MYO3A: variants seen among roughly 807,000 people sequenced by gnomAD.
MYO3A encodes myosin-IIIa.
A neutral mutation model predicts 192.7 loss-of-function variants in MYO3A; 180 were observed. The observed-to-expected ratio is 0.93, with a 90% CI of 0.83 to 1.06. MYO3A has a LOEUF of 1.06. Ranked by LOEUF, MYO3A falls within the 50% of genes least tolerant of loss-of-function variation. MYO3A has a pLI of 0.00. For missense variants in MYO3A, 1,896 were observed against 1,905.0 expected (o/e 1.00, Z 0.09); for synonymous variants, 628 against 645.3 (o/e 0.97, Z 0.41).
At chr10:26,037,705 C>T (rs1843113204) in intron 10 of MYO3A, among the ~76,000 whole-genome samples, 3 of 152,180 alleles carry the variant, frequency 2.0e-5, no homozygotes, top group Admixed American at 2.0e-4. Flanking sequence ...AATTGACTCA[C>T]TGTTCCTCAG....
intron 6 of MYO3A, among the ~76,000 whole-genome samples, chr10:26,015,784 C>T (rs1841951811): frequency 6.6e-6 from 1 of 152,146 alleles, no homozygotes; most frequent in South Asian, 2.1e-4. Flanking sequence ...AAGTATATTT[C>T]CAATACTGAA....
intron 14 of MYO3A, among the ~76,000 whole-genome samples, chr10:26,071,051 T>A (rs72793210): frequency 0.097 from 14,783 of 151,622 alleles, 801 homozygotes; most frequent in Non-Finnish European, 0.12. Flanking sequence ...ATTGACAAGG[T>A]GACTCAAAAA....
In MYO3A at chr10:26,120,700, C is replaced by G; in HGVS notation, c.1801C>G (p.Leu601Val). ...MEQLGSIYSI[L>V]AAILNVGNIE... Reference sequence around the variant, plus strand: ...GCAACTTGGTAGTATATACAGCATACTCGCTGCAATCTTGAATGTTGGCAA... The same window carrying G: ...GCAACTTGGTAGTATATACAGCATAGTCGCTGCAATCTTGAATGTTGGCAA... Residue 601 changes from leucine (L) to valine (V), a missense_variant, in exon 18 of 35, where the codon CTC becomes GTC. Transcript: ENST00000642920. 6.2e-7 allele frequency: 1 copy of G among 1,614,080 alleles called. No homozygotes were observed. The highest frequency in any genetic ancestry group is 8.5e-7 in the Non-Finnish European group (1 of 1,179,994).
chr10:26,120,835 AT>A (rs1838819427), intron 18 of MYO3A, 33 bp downstream of exon 18: 1 of 1,611,050 alleles, frequency 6.2e-7, no homozygotes, highest in African/African-American at 1.3e-5. Context: ...CAAAACTGAA[AT>A]CTTTCAAATC....
intron 6 of MYO3A, among the ~76,000 whole-genome samples, chr10:26,015,818 C>T (rs753822186): frequency 6.6e-6 from 1 of 152,066 alleles, no homozygotes; most frequent in South Asian, 2.1e-4. Context: ...TGCATATGGC[C>T]GTTGAATTTC....
intron 34 of MYO3A, among the ~76,000 whole-genome samples, chr10:26,210,849 T>A (rs1844191094): frequency 6.6e-6 from 1 of 152,150 alleles, no homozygotes; most frequent in South Asian, 2.1e-4. Flanking sequence ...TTGCTTGATC[T>A]ATCATCCTGG....
intron 4 of MYO3A, among the ~76,000 whole-genome samples, chr10:25,979,696 C>T (rs1270991876): frequency 2.6e-5 from 4 of 152,080 alleles, no homozygotes; most frequent in African/African-American, 4.8e-5. Context: ...AATTCAAGAC[C>T]TACATACAGT....
intron 17 of MYO3A, 121 bp downstream of exon 17, chr10:26,096,803 CA>C (rs1837070324): frequency 2.9e-6 from 2 of 696,512 alleles, no homozygotes; most frequent in Admixed American, 2.6e-5. Context: ...ATTGAAACAG[CA>C]TTATGAAATA....
At chr10:26,078,150 ATTT>A (rs1306474892) in intron 14 of MYO3A, among the ~76,000 whole-genome samples, 2 of 123,698 alleles carry the variant, frequency 1.6e-5, no homozygotes, top group South Asian at 4.5e-4. Flanking sequence ...TTTTTTGGTA[ATTT>A]TAAAATTACA....
chr10:26,041,267 A>C (rs1299354066), intron 10 of MYO3A, among the ~76,000 whole-genome samples: 4 of 151,674 alleles, frequency 2.6e-5, no homozygotes, highest in Non-Finnish European at 5.9e-5. Flanking sequence ...CTTTATTTTC[A>C]GTCTATGTGT....
chr10:26,102,619 C>T (rs993913308), intron 17 of MYO3A, among the ~76,000 whole-genome samples: 1 of 152,212 alleles, frequency 6.6e-6, no homozygotes, highest in African/African-American at 2.4e-5. Context: ...TTCCTTCTAA[C>T]AGTCAGGACC....
intron 10 of MYO3A, among the ~76,000 whole-genome samples, chr10:26,027,808 A>G (rs1477027031): frequency 3.9e-5 from 6 of 152,196 alleles, no homozygotes; most frequent in Non-Finnish European, 5.9e-5. Flanking sequence ...TTAATGATTA[A>G]TTTAAATAAT....
intron 17 of MYO3A, among the ~76,000 whole-genome samples, chr10:26,111,582 C>A (rs931577347): frequency 2.0e-5 from 3 of 152,176 alleles, no homozygotes; most frequent in Admixed American, 1.3e-4. Context: ...ATCGGGTCCT[C>A]ATTCTTCCCA....
rs1036427599 is a variant in MYO3A, at chr10:26,107,296, A to G, written c.1776+10614A>G. The stretch of plus-strand genomic sequence containing the variant: ...GGAGATCAAGACCATCCTGGCTAAC[A>G]CAGTGAAACCCCGTCTCTACTCAAA... On this transcript the variant is annotated intron_variant, in intron 17 of 34. Transcript: ENST00000642920. Among the ~76,000 whole-genome samples, 4 of 152,086 alleles carry G rather than the reference A, an allele frequency of 2.6e-5. No individual in the cohort carries two copies. The South Asian group carries it at 6.2e-4, about 24-fold the overall frequency.
At chr10:26,008,090 C>G (rs891992221) in intron 6 of MYO3A, among the ~76,000 whole-genome samples, 3 of 148,698 alleles carry the variant, frequency 2.0e-5, no homozygotes, top group African/African-American at 7.8e-5. Flanking sequence ...ATATCTACAA[C>G]TATCTGATCT....
chr10:26,075,659 T>TATATATGATATATATATGTCTCTCTC lies in MYO3A; in HGVS notation c.1359+5264_1359+5265insGATATATATATGTCTCTCTCATATAT, dbSNP rs1564523782. Among the ~76,000 whole-genome samples, 16 of 107,896 alleles carry TATATATGATATATATATGTCTCTCTC rather than the reference T, an allele frequency of 1.5e-4. No homozygotes were observed. In the East Asian group the frequency reaches 1.9e-3, roughly 13 times the overall value. The allele number at this position is 107,896 out of a possible 152,430, so 70.8% of individuals were successfully genotyped here. A position where few individuals can be genotyped will look rare whatever the true frequency, so the allele number is the denominator to read the frequency against. On this transcript the variant is annotated intron_variant, in intron 14 of 34. Coordinates refer to ENST00000642920, the MANE Select transcript of MYO3A (RefSeq NM_017433.5). ...TCATATATGATATATATGTCTCTCATATATATATGATATATATATGTCTCT... is the reference window on the plus strand; with the variant it reads ...TCATATATGATATATATGTCTCTCATATATATGATATATATATGTCTCTCTCATATATATGATATATATATGTCTCT...
At chr10:26,125,779 A>G (rs1269175681) in intron 19 of MYO3A, among the ~76,000 whole-genome samples, 171 bp downstream of exon 19, 1 of 152,216 alleles carries the variant, frequency 6.6e-6, no homozygotes, top group Admixed American at 6.5e-5. Context: ...GTTCCACCTC[A>G]TAATGCCACT....
At chr10:25,939,608 GT>G (rs200076860) in intron 2 of MYO3A, among the ~76,000 whole-genome samples, 1 of 149,796 alleles carries the variant, frequency 6.7e-6, no homozygotes, top group African/African-American at 2.4e-5. Context: ...TTGTATAGTT[GT>G]TTTTTTTTAA....
At chr10:26,060,942 T>A (rs551141232) in intron 10 of MYO3A, among the ~76,000 whole-genome samples, 13 of 152,278 alleles carry the variant, frequency 8.5e-5, no homozygotes, top group Non-Finnish European at 4.4e-5. Flanking sequence ...ATTTTATTTT[T>A]TTTTGAGACG....
Sources: allele counts gnomAD v4.1 joint callset (sites outside exome capture counted in the v4.1 genomes callset), GRCh38; gene constraint gnomAD v4.1.1; transcripts MANE v1.5; gene names NCBI Gene and HGNC (gene_info 2026-07-23, HGNC 2026-07-21).